Variants in BCAS3 observed in about 807,000 individuals in gnomAD.
The protein encoded by BCAS3 is BCAS3 microtubule associated cell migration factor, also known as BCAS4/BCAS3 fusion.
BCAS3 carries 53 observed loss-of-function variants against 116.1 expected under a neutral mutation model. The ratio of observed to expected loss-of-function variants is 0.46; its 90% confidence interval spans 0.37 to 0.57. BCAS3 has a LOEUF of 0.57. BCAS3 is among the 20% of genes least tolerant of loss of function. The probability of loss-of-function intolerance (pLI) is 0.00; values close to 1 mark genes in which losing one functional copy is unlikely to be tolerated. For missense variants in BCAS3, 917 were observed against 1,165.4 expected (o/e 0.79, Z 3.10); for synonymous variants, 391 against 408.2 (o/e 0.96, Z 0.51).
At chr17:60,929,505 T>G (rs1218130048) in intron 13 of BCAS3, among the ~76,000 whole-genome samples, 1 of 152,162 alleles carries the variant, frequency 6.6e-6, no homozygotes, top group African/African-American at 2.4e-5. Context: ...GCTTCTGAAC[T>G]TTTATTAATT....
rs191213490 is a variant in BCAS3, at chr17:60,875,477, A to G, written c.661+739A>G. On this transcript the variant is annotated intron_variant, in intron 9 of 23. Coordinates refer to ENST00000407086, the MANE Select transcript of BCAS3 (RefSeq NM_017679.5). ...GGCACATTTTCAAAGAAAGCAATTTAGCAGTTTCGTATTACCAATTTTACT... is the reference window on the plus strand; with the variant it reads ...GGCACATTTTCAAAGAAAGCAATTTGGCAGTTTCGTATTACCAATTTTACT... 1.3e-4 allele frequency among the ~76,000 whole-genome samples: 20 copies of G among 152,224 alleles called. No individual in the cohort carries two copies. In the East Asian group the frequency reaches 3.9e-3, roughly 29 times the overall value.
In BCAS3 at chr17:61,084,267, G is replaced by A. The variant is rs924053210; in HGVS notation, c.2328-200G>A. 2.0e-5 allele frequency among the ~76,000 whole-genome samples: 3 copies of A among 152,130 alleles called. No individual in the cohort carries two copies. The highest frequency in any genetic ancestry group is 7.2e-5 in the African/African-American group (3 of 41,422). Reference sequence around the variant, plus strand: ...AACACACAAAGATAAGTTAGAAGGGGTCCAGAGTGTAGAGAATATTTGTAG... The same window carrying A: ...AACACACAAAGATAAGTTAGAAGGGATCCAGAGTGTAGAGAATATTTGTAG... On this transcript the variant is annotated intron_variant, in intron 21 of 23. Coordinates refer to ENST00000407086, the MANE Select transcript of BCAS3 (RefSeq NM_017679.5). This position sits in a 1 kb window ranked among gnomAD's most constrained non-coding sequence, Gnocchi z 5.5.
intron 22 of BCAS3, among the ~76,000 whole-genome samples, chr17:61,120,903 C>G (rs763621681): frequency 6.6e-6 from 1 of 152,006 alleles, no homozygotes; most frequent in Non-Finnish European, 1.5e-5. Context: ...TATCCTCCAT[C>G]TCCTTGTTTT....
rs999268319 is a variant in BCAS3 at position 61,104,600 on chromosome 17, C to A, written c.2425+20036C>A. Among the ~76,000 whole-genome samples the A allele has an allele frequency of 6.6e-6, 1 of 152,122 alleles. No individual in the cohort carries two copies. ...ATAGCAGTCTCATTTACTTAGGATC[C>A]GTGTCAGCGCCTTGAGCTCCAAATC... is the stretch of plus-strand genomic sequence containing the variant. On this transcript the variant is annotated intron_variant, in intron 22 of 23. Transcript: ENST00000407086. This position sits in a 1 kb window ranked among gnomAD's most constrained non-coding sequence, Gnocchi z 4.1.
rs570798947 is a variant in BCAS3 at position 60,799,739 on chromosome 17, A to T, written c.404-8265A>T. Among the ~76,000 whole-genome samples, 238 of 82,016 alleles carry T rather than the reference A, an allele frequency of 2.9e-3. 2 individuals carry two copies. The highest frequency in any genetic ancestry group is 4.0e-3 in the Non-Finnish European group (191 of 48,122). The allele number at this position is 82,016 out of a possible 152,430, so 53.8% of individuals were successfully genotyped here. A position where few individuals can be genotyped will look rare whatever the true frequency, so the allele number is the denominator to read the frequency against. On this transcript the variant is annotated intron_variant, in intron 6 of 23. Coordinates refer to ENST00000407086, the MANE Select transcript of BCAS3 (RefSeq NM_017679.5). ...TTTTTTTTTTTTTTTTTTTTTTAGTAGAACTGGGGTTTCACCATGTTGGCC... is the reference window on the plus strand; with the variant it reads ...TTTTTTTTTTTTTTTTTTTTTTAGTTGAACTGGGGTTTCACCATGTTGGCC...
At chr17:60,786,570 T>TATATATATATATATATATATAA (rs1555715118) in intron 6 of BCAS3, among the ~76,000 whole-genome samples, 1 of 148,020 alleles carries the variant, frequency 6.8e-6, no homozygotes, top group African/African-American at 2.6e-5. Flanking sequence ...TATATATATA[T>TATATATATATATATATATATAA]AAAATGTGTC....
chr17:60,855,902 G>A (rs1440033041), intron 7 of BCAS3, among the ~76,000 whole-genome samples: 6 of 151,988 alleles, frequency 3.9e-5, no homozygotes, highest in Non-Finnish European at 1.5e-5. Context: ...GGCTGGTCTC[G>A]AACTCCTGAG....
Position 61,321,922 on chromosome 17 carries a change from TTTTGTTTG to T in BCAS3, c.2426-46389_2426-46382del, listed in dbSNP as rs371688049. On this transcript the variant is annotated intron_variant, in intron 22 of 23. Transcript: ENST00000407086. The stretch of plus-strand genomic sequence containing the variant: ...TGTGGATACTAACACCTATCCCGTT[TTTTGTTTG>T]TTTGTTTGTTTGTTTTTTTTGAGAC... Among the ~76,000 whole-genome samples, 891 of 145,820 alleles carry T rather than the reference TTTTGTTTG, an allele frequency of 6.1e-3. 9 individuals carry two copies. The highest frequency in any genetic ancestry group is 0.024 in the African/African-American group (861 of 35,584).
rs2074579615 is a variant in BCAS3 at position 61,105,393 on chromosome 17, A to G, written c.2425+20829A>G. The stretch of plus-strand genomic sequence containing the variant: ...AGCAGACCCATGAAAGGCCATGACT[A>G]CTATGCTGACACTAGAGGAAAAACC... On this transcript the variant is annotated intron_variant, in intron 22 of 23. Transcript: ENST00000407086. The surrounding 1 kb of genome is among the most constrained non-coding windows in gnomAD (Gnocchi z 4.3). Among the ~76,000 whole-genome samples the G allele has an allele frequency of 6.6e-6, 1 of 152,186 alleles. No individual in the cohort carries two copies. The highest frequency in any genetic ancestry group is 1.5e-5 in the Non-Finnish European group (1 of 68,030).
rs1041448753 is a variant in BCAS3 at position 61,222,509 on chromosome 17, G to A, written c.2425+137945G>A. Among the ~76,000 whole-genome samples, 1 of 152,152 alleles carries A rather than the reference G, an allele frequency of 6.6e-6. No homozygotes were observed. The highest frequency in any genetic ancestry group is 1.5e-5 in the Non-Finnish European group (1 of 68,024). ...ATTCCTCTTTTCGCTGTTGCTCAGCGGTGTTTGCCTGAGGTACAGATGTTT... is the reference window on the plus strand; with the variant it reads ...ATTCCTCTTTTCGCTGTTGCTCAGCAGTGTTTGCCTGAGGTACAGATGTTT... On this transcript the variant is annotated intron_variant, in intron 22 of 23. Transcript: ENST00000407086. This position sits in a 1 kb window ranked among gnomAD's most constrained non-coding sequence, Gnocchi z 6.1.
chr17:61,070,054 C>G (rs750952091), intron 19 of BCAS3: 1 of 1,591,468 alleles, frequency 6.3e-7, no homozygotes, highest in African/African-American at 1.3e-5. Flanking sequence ...CAAATATCCT[C>G]GGAAGAGCGC....
At chr17:60,946,074 C>T (rs530537091) in intron 13 of BCAS3, among the ~76,000 whole-genome samples, 1 of 151,352 alleles carries the variant, frequency 6.6e-6, no homozygotes, top group African/African-American at 2.4e-5. Context: ...GGGCGTAGAT[C>T]GCGCCACTGC....
chr17:61,305,629 C>T (rs2053788802), intron 22 of BCAS3, among the ~76,000 whole-genome samples: 1 of 152,246 alleles, frequency 6.6e-6, no homozygotes, highest in South Asian at 2.1e-4. Flanking sequence ...GGTGCAGTGG[C>T]TCATGCCTGT....
Position 61,347,378 on chromosome 17 carries a change from G to A in BCAS3, c.2426-20949G>A, listed in dbSNP as rs539636751. 2.6e-5 allele frequency among the ~76,000 whole-genome samples: 4 copies of A among 152,134 alleles called. No individual in the cohort carries two copies. The highest frequency in any genetic ancestry group is 5.9e-5 in the Non-Finnish European group (4 of 68,036). ...ATTATAGGCATGAGCCACCGCACCC[G>A]GCCAGAATCACTCTTCAGATATTTG... On this transcript the variant is annotated intron_variant, in intron 22 of 23. Transcript: ENST00000407086. The surrounding 1 kb of genome is among the most constrained non-coding windows in gnomAD (Gnocchi z 4.3).
intron 6 of BCAS3, among the ~76,000 whole-genome samples, chr17:60,806,817 A>G (rs1340993794): frequency 6.6e-6 from 1 of 152,148 alleles, no homozygotes; most frequent in Non-Finnish European, 1.5e-5. Flanking sequence ...AGGCGTGAGC[A>G]GGCACAGAGC....
intron 7 of BCAS3, among the ~76,000 whole-genome samples, chr17:60,843,179 C>T (rs1020778657): frequency 6.6e-6 from 1 of 150,494 alleles, no homozygotes; most frequent in Non-Finnish European, 1.5e-5. Context: ...GTGCCCTTTT[C>T]ATAGTGTCTC....
intron 2 of BCAS3, among the ~76,000 whole-genome samples, chr17:60,683,157 T>C (rs2033433868): frequency 6.6e-6 from 1 of 152,214 alleles, no homozygotes; most frequent in Non-Finnish European, 1.5e-5. Context: ...TTCTAATGCC[T>C]GTATCTACCA....
chr17:60,931,046 AT>A (rs570708243), intron 13 of BCAS3, among the ~76,000 whole-genome samples: 4 of 149,388 alleles, frequency 2.7e-5, no homozygotes, highest in East Asian at 3.9e-4. Context: ...AGCTGCATTC[AT>A]TTTTTTTTCA....
At position 61,276,610 on chromosome 17, in the gene BCAS3, C is replaced by T. The variant is rs967709342; in HGVS notation, c.2426-91717C>T. 6.6e-6 allele frequency among the ~76,000 whole-genome samples: 1 copy of T among 152,126 alleles called. No individual in the cohort carries two copies. The highest frequency in any genetic ancestry group is 2.4e-5 in the African/African-American group (1 of 41,432). ...AAATTGTTAAGACGGCAGTGCTCCC[C>T]AAATTGATCTACAGATTCAACACAA... is the stretch of plus-strand genomic sequence containing the variant. On this transcript the variant is annotated intron_variant, in intron 22 of 23. Transcript: ENST00000407086. This position sits in a 1 kb window ranked among gnomAD's most constrained non-coding sequence, Gnocchi z 4.2.
Sources: gnomAD v4.1 joint callset for allele counts (sites outside exome capture counted in the v4.1 genomes callset) on GRCh38, gnomAD v4.1.1 for gene constraint, Gnocchi (gnomAD v3.1) non-coding constraint, MANE v1.5 for transcripts, NCBI Gene and HGNC (gene_info 2026-07-23, HGNC 2026-07-21) for gene names.